The following FBXL20 variants were observed in gnomAD, a reference collection of about 807,000 sequenced individuals.
FBXL20 encodes F-box and leucine rich repeat protein 20.
Under a neutral mutation model 64.0 loss-of-function variants are expected in FBXL20, and 11 were observed. That is an observed-to-expected ratio of 0.17 (90% confidence interval 0.11 to 0.28). The LOEUF (loss-of-function observed/expected upper bound fraction) is 0.28, where lower values mean the gene tolerates loss of function less well. Ranked by LOEUF, FBXL20 falls within the 10% of genes least tolerant of loss-of-function variation. The pLI is 1.00. For synonymous variants in FBXL20, 184 were observed against 189.0 expected (o/e 0.97, Z 0.22); for missense variants, 303 against 526.2 (o/e 0.58, Z 4.15).
rs1395969020 is a variant in FBXL20, at chr17:39,270,875, A to AAC, written c.828-20_828-19insGT. On this transcript the variant is annotated intron_variant, in intron 10 of 14. Transcript: ENST00000264658. ...CAATATTCTGTTAAAAAAAAAAAAA[A>AAC]AACAGTGAAAGTCAAGCTCTTGGTC... The AAC allele has an allele frequency of 3.8e-6, 6 of 1,574,016 alleles. No individual in the cohort carries two copies. Among genetic ancestry groups the AAC allele is most frequent in the Admixed American group, 3.6e-5 (2 of 54,814 alleles).
intron 1 of FBXL20, among the ~76,000 whole-genome samples, chr17:39,363,042 C>T (rs898218945): frequency 2.6e-5 from 4 of 152,018 alleles, no homozygotes; most frequent in Non-Finnish European, 5.9e-5. Context: ...TCTTGTCGCC[C>T]AGGCTGGAGT....
intron 2 of FBXL20, 47 bp downstream of exon 2, chr17:39,343,133 T>C (rs780246455): frequency 1.1e-5 from 16 of 1,404,584 alleles, no homozygotes; most frequent in Non-Finnish European, 1.3e-5. Context: ...AACAGGCAAA[T>C]ATGACATACA....
chr17:39,315,421 T>G (rs995042992), intron 2 of FBXL20, among the ~76,000 whole-genome samples: 14 of 111,860 alleles, frequency 1.3e-4, no homozygotes, highest in Non-Finnish European at 1.9e-4. Flanking sequence ...ATAGTACATG[T>G]CTTTAAAACA....
At chr17:39,328,180 G>A (rs1303278833) in intron 2 of FBXL20, among the ~76,000 whole-genome samples, 1 of 146,544 alleles carries the variant, frequency 6.8e-6, no homozygotes. Context: ...CATGGGAGGT[G>A]GAGGTTACAG....
intron 2 of FBXL20, among the ~76,000 whole-genome samples, chr17:39,337,744 G>A (rs1197087630): frequency 2.6e-5 from 4 of 151,530 alleles, no homozygotes; most frequent in South Asian, 2.1e-4. Flanking sequence ...GAGCGTCTCC[G>A]ACGGGCAGCC....
chr17:39,293,356 A>G (rs1250372675), intron 6 of FBXL20, among the ~76,000 whole-genome samples: 1 of 150,972 alleles, frequency 6.6e-6, no homozygotes. Flanking sequence ...CAAGTAGCTG[A>G]GATTACAGAC....
rs907320563 is a variant in FBXL20, at chr17:39,252,893, A to C, written c.*8567T>G. On this transcript the variant is annotated 3_prime_UTR_variant, in exon 15 of 15. Coordinates refer to ENST00000264658, the MANE Select transcript of FBXL20 (RefSeq NM_032875.3). ...CTCAAGCGCCAAAAGTACTGGGTGG[A>C]AACAGTCACTTGGAGAGCTAATGGA... 1 of 152,076 alleles carries C rather than the reference A, an allele frequency of 6.6e-6. No homozygotes were observed. Among genetic ancestry groups the C allele is most frequent in the African/African-American group, 2.4e-5 (1 of 41,400 alleles). The allele number at this position is 152,076 out of a possible 1,614,324, so 9.4% of individuals were successfully genotyped here. A position where few individuals can be genotyped will look rare whatever the true frequency, so the allele number is the denominator to read the frequency against.
chr17:39,309,767 A>G (rs1597789457), intron 2 of FBXL20, among the ~76,000 whole-genome samples: 1 of 149,086 alleles, frequency 6.7e-6, no homozygotes, highest in African/African-American at 2.5e-5. Context: ...ACTCCAGCCT[A>G]GGTGACAGAG....
chr17:39,326,755 G>T (rs886520532), intron 2 of FBXL20, among the ~76,000 whole-genome samples: 7 of 151,524 alleles, frequency 4.6e-5, no homozygotes, highest in Non-Finnish European at 7.4e-5. Context: ...AAGTAGTTAG[G>T]ACTACAGGTG....
In FBXL20 at chr17:39,281,418, G is replaced by C; in HGVS notation, c.667C>G (p.Leu223Val). 1 of 1,614,020 alleles carries C rather than the reference G, an allele frequency of 6.2e-7. No individual in the cohort carries two copies. Among genetic ancestry groups the C allele is most frequent in the Non-Finnish European group, 8.5e-7 (1 of 1,179,944 alleles). Residue 223 changes from leucine to valine, a missense_variant, in exon 9 of 15, where the codon CTG becomes GTG. Transcript: ENST00000264658. ...LKYIGAHCPE[L>V]VTLNLQTCLQ... ...CAAGTCTGCAAGTTCAAAGTCACCA[G>C]TTCAGGGCAGTGTGCACCTATGTAC...
chr17:39,280,222 C>T (rs1348303069), intron 9 of FBXL20, among the ~76,000 whole-genome samples: 10 of 122,118 alleles, frequency 8.2e-5, no homozygotes, highest in East Asian at 2.4e-4. Context: ...GGCAACAGTG[C>T]AAGACTCCGT....
At chr17:39,284,443 C>T (rs547392175) in intron 7 of FBXL20, among the ~76,000 whole-genome samples, 1 of 152,276 alleles carries the variant, frequency 6.6e-6, no homozygotes, top group East Asian at 1.9e-4. Flanking sequence ...TGCAGTGGCA[C>T]GATTACAGCT....
intron 1 of FBXL20, among the ~76,000 whole-genome samples, chr17:39,399,253 G>A (rs983043680): frequency 6.6e-6 from 1 of 152,118 alleles, no homozygotes; most frequent in East Asian, 1.9e-4. Flanking sequence ...AAAATTATCA[G>A]TTCTTTAAGA....
intron 2 of FBXL20, among the ~76,000 whole-genome samples, chr17:39,340,589 G>A (rs1426956352): frequency 6.6e-6 from 1 of 152,068 alleles, no homozygotes; most frequent in Non-Finnish European, 1.5e-5. Context: ...TGAGATGTAA[G>A]ATGTTAATAT....
chr17:39,301,991 G>C (rs1255647433), intron 3 of FBXL20, among the ~76,000 whole-genome samples: 1 of 136,696 alleles, frequency 7.3e-6, no homozygotes, highest in East Asian at 2.2e-4. Flanking sequence ...ATAGCCAGAA[G>C]GTATTTTCTA....
intron 14 of FBXL20, among the ~76,000 whole-genome samples, chr17:39,262,612 C>T (rs182991252): frequency 6.6e-5 from 10 of 152,192 alleles, no homozygotes; most frequent in Admixed American, 5.9e-4. Flanking sequence ...TGAATAAGCA[C>T]ACTGCCTTTC....
intron 2 of FBXL20, among the ~76,000 whole-genome samples, chr17:39,313,849 G>A (rs550987894): frequency 6.6e-6 from 1 of 152,100 alleles, no homozygotes; most frequent in South Asian, 2.1e-4. Context: ...TGGTCAGGCT[G>A]GTCTCCAACT....
chr17:39,309,801 A>G (rs999620057), intron 2 of FBXL20, among the ~76,000 whole-genome samples: 16 of 151,472 alleles, frequency 1.1e-4, no homozygotes, highest in African/African-American at 3.9e-4. Context: ...CAAAAAAAAA[A>G]AAAAGAAAAG....
intron 1 of FBXL20, among the ~76,000 whole-genome samples, chr17:39,400,997 G>T (rs2048236095): frequency 2.0e-5 from 3 of 152,190 alleles, no homozygotes; most frequent in Admixed American, 6.5e-5. Context: ...AGGTAGCAGC[G>T]AGAAAAGCAG....
Sources: gnomAD v4.1 joint callset for allele counts (sites outside exome capture counted in the v4.1 genomes callset) on GRCh38, gnomAD v4.1.1 for gene constraint, MANE v1.5 for transcripts, NCBI Gene and HGNC (gene_info 2026-07-23, HGNC 2026-07-21) for gene names.